RALYL: variants seen among roughly 807,000 people sequenced by gnomAD.
RALYL encodes RNA-binding Raly-like protein.
RALYL carries 29 observed loss-of-function variants against 35.1 expected under a neutral mutation model. That is an observed-to-expected ratio of 0.83 (90% CI 0.61 to 1.13). The LOEUF is 1.13. Among genes scored for constraint, RALYL ranks in the 50% most tolerant of loss-of-function variants. The pLI is 0.00. For synonymous variants in RALYL, 120 were observed against 127.6 expected, an observed-to-expected ratio of 0.94 and a Z score of 0.40; for missense variants, 359 against 360.4, an observed-to-expected ratio of 1.00 and a Z score of 0.03.
At position 84,765,014 on chromosome 8, in the gene RALYL, T is replaced by A. The variant is rs541594370; in HGVS notation, c.257-9565T>A. 2.0e-5 allele frequency among the ~76,000 whole-genome samples: 3 copies of A among 152,262 alleles called. No individual in the cohort carries two copies. The South Asian group carries it at 6.2e-4, about 32-fold the overall frequency. On this transcript the variant is annotated intron_variant, in intron 2 of 8. Coordinates refer to ENST00000521268, the MANE Select transcript of RALYL (RefSeq NM_173848.7). ...TCTGGTACATTTGTGGGTTTTTTTG[T>A]TTTGTTTTGTTTCCTCAGAGTAAAA...
At chr8:84,443,885 G>A (rs1182059652) in intron 1 of RALYL, among the ~76,000 whole-genome samples, 1 of 152,046 alleles carries the variant, frequency 6.6e-6, no homozygotes, top group Non-Finnish European at 1.5e-5. Flanking sequence ...ACCTCCAGTG[G>A]CAGCAAAATG....
intron 1 of RALYL, among the ~76,000 whole-genome samples, chr8:84,238,365 AT>A (rs35844780): frequency 0.095 from 14,416 of 151,584 alleles, 1,391 homozygotes; most frequent in African/African-American, 0.25. Context: ...ATGTATATAG[AT>A]TTTTTTTTCT....
chr8:84,608,438 C>T (rs553421438), intron 2 of RALYL, among the ~76,000 whole-genome samples: 2 of 152,184 alleles, frequency 1.3e-5, no homozygotes, highest in East Asian at 1.9e-4. Context: ...AGTGGAGATG[C>T]GATTGCTGTT....
chr8:84,304,647 ACAAT>A (rs1563699846), intron 1 of RALYL, among the ~76,000 whole-genome samples: 1 of 152,132 alleles, frequency 6.6e-6, no homozygotes, highest in Non-Finnish European at 1.5e-5. Context: ...TACTTTCCTC[ACAAT>A]CAGAGTTTTT....
intron 1 of RALYL, among the ~76,000 whole-genome samples, chr8:84,328,164 G>C (rs1411132898): frequency 6.6e-6 from 1 of 152,160 alleles, no homozygotes; most frequent in African/African-American, 2.4e-5. Context: ...ACAATAGGAA[G>C]TGCTACAGTA....
At chr8:84,838,370 T>G (rs1327178032) in intron 4 of RALYL, among the ~76,000 whole-genome samples, 2 of 152,130 alleles carry the variant, frequency 1.3e-5, no homozygotes, top group Non-Finnish European at 2.9e-5. Context: ...GGGGAAACAA[T>G]AGCTAGTGTG....
At position 84,197,853 on chromosome 8, in the gene RALYL, TTTTG is replaced by T. The variant is rs374579861; in HGVS notation, c.-24+13441_-24+13444del. On this transcript the variant is annotated intron_variant, in intron 1 of 8. Coordinates refer to ENST00000521268, the MANE Select transcript of RALYL (RefSeq NM_173848.7). ...ATACCTGAAATTTTATTTCACTCTTTTTTGTTTGTTTGTTTTCTTGTTTGATGCC... is the reference window on the plus strand; with the variant it reads ...ATACCTGAAATTTTATTTCACTCTTTTTTGTTTGTTTTCTTGTTTGATGCC... Among the ~76,000 whole-genome samples the T allele has an allele frequency of 1.9e-3, 285 of 152,296 alleles. 7 individuals carry two copies. The highest frequency in any genetic ancestry group is 6.5e-3 in the African/African-American group (271 of 41,558).
chr8:84,698,954 G>T (rs533739033), intron 2 of RALYL, among the ~76,000 whole-genome samples: 8 of 152,100 alleles, frequency 5.3e-5, no homozygotes, highest in African/African-American at 1.9e-4. Flanking sequence ...ACCGTGTTTT[G>T]CTAGGAAGCT....
At chr8:84,692,698 A>G (rs1838307516) in intron 2 of RALYL, among the ~76,000 whole-genome samples, 1 of 152,068 alleles carries the variant, frequency 6.6e-6, no homozygotes, top group Non-Finnish European at 1.5e-5. Context: ...ATTATTTTGC[A>G]TGTGTATGTT....
chr8:84,794,933 G>A (rs182644125), intron 3 of RALYL, among the ~76,000 whole-genome samples: 4 of 152,200 alleles, frequency 2.6e-5, no homozygotes, highest in African/African-American at 9.7e-5. Flanking sequence ...ATGAGTCTGA[G>A]TGTCAGAACT....
At chr8:84,528,973 A>C (rs1320453870) in intron 1 of RALYL, among the ~76,000 whole-genome samples, 1 of 152,192 alleles carries the variant, frequency 6.6e-6, no homozygotes, top group Non-Finnish European at 1.5e-5. Context: ...TGATAGAATA[A>C]GGCAGATTTT....
chr8:84,857,036 G>GAGAA (rs1837189182), intron 5 of RALYL, among the ~76,000 whole-genome samples: 1 of 91,848 alleles, frequency 1.1e-5, no homozygotes, highest in Non-Finnish European at 2.0e-5. Context: ...CTCCGTCTCA[G>GAGAA]AAAAAAAAAA....
intron 1 of RALYL, among the ~76,000 whole-genome samples, chr8:84,501,856 T>C (rs1243295040): frequency 6.7e-6 from 1 of 150,280 alleles, no homozygotes; most frequent in Non-Finnish European, 1.5e-5. Context: ...TAAGCCTATA[T>C]ATAATATCAT....
chr8:84,779,327 G>A (rs937516851), intron 3 of RALYL, among the ~76,000 whole-genome samples: 4 of 152,154 alleles, frequency 2.6e-5, no homozygotes, highest in African/African-American at 9.7e-5. Flanking sequence ...TTTCCTCTTT[G>A]ATGGAAAGCT....
intron 1 of RALYL, among the ~76,000 whole-genome samples, chr8:84,428,031 C>T (rs1418278751): frequency 6.6e-6 from 1 of 151,658 alleles, no homozygotes; most frequent in African/African-American, 2.4e-5. Flanking sequence ...GAGACTTTTT[C>T]ACCAAACAAG....
At chr8:84,601,673 G>A (rs548887592) in intron 2 of RALYL, among the ~76,000 whole-genome samples, 4 of 151,658 alleles carry the variant, frequency 2.6e-5, no homozygotes, top group African/African-American at 9.7e-5. Context: ...GTTGAGTTGT[G>A]AACATAGCAT....
intron 6 of RALYL, among the ~76,000 whole-genome samples, chr8:84,871,826 C>T (rs1278161476): frequency 6.6e-6 from 1 of 152,110 alleles, no homozygotes; most frequent in Non-Finnish European, 1.5e-5. Flanking sequence ...AAAATCTGTT[C>T]TTCCCTTAAG....
chr8:84,185,091 T>TC, intron 1 of RALYL: 1 of 1,511,830 alleles, frequency 6.6e-7, no homozygotes, highest in Non-Finnish European at 9.2e-7. Flanking sequence ...ATCTTTTTTT[T>TC]CCCTGTTGTG....
chr8:84,194,976 ACAGCAATAGGT>A (rs1468881735), intron 1 of RALYL, among the ~76,000 whole-genome samples: 1 of 152,068 alleles, frequency 6.6e-6, no homozygotes, highest in Admixed American at 6.6e-5. Flanking sequence ...TTTGATTGGT[ACAGCAATAGGT>A]CAGCAACATT....
Sources: gnomAD v4.1 joint callset for allele counts (sites outside exome capture counted in the v4.1 genomes callset) on GRCh38, gnomAD v4.1.1 for gene constraint, MANE v1.5 for transcripts, NCBI Gene and HGNC (gene_info 2026-07-23, HGNC 2026-07-21) for gene names.